Variants in PRKG1 observed in about 807,000 individuals in gnomAD.
The protein encoded by PRKG1 is protein kinase cGMP-dependent 1, also known as cGMP-dependent protein kinase 1.
A neutral mutation model predicts 88.1 loss-of-function variants in PRKG1; 35 were observed. The observed-to-expected ratio is 0.40, with a 90% CI of 0.30 to 0.53. PRKG1 has a LOEUF of 0.53. PRKG1 is among the 20% of genes least tolerant of loss of function. The probability of loss-of-function intolerance (pLI) is 0.59; values close to 1 mark genes in which losing one functional copy is unlikely to be tolerated. For missense variants in PRKG1, 540 were observed against 839.8 expected (o/e 0.64, Z 4.41); for synonymous variants, 303 against 292.5 (o/e 1.04, Z -0.37).
rs187097689 is a variant in PRKG1, at chr10:52,000,160, G to A, written c.763-54324G>A. Among the ~76,000 whole-genome samples the A allele has an allele frequency of 2.7e-3, 410 of 151,978 alleles. 1 individual carries two copies. Among genetic ancestry groups the A allele is most frequent in the African/African-American group, 9.5e-3 (392 of 41,466 alleles). On this transcript the variant is annotated intron_variant, in intron 5 of 17. Coordinates refer to ENST00000373980, the MANE Select transcript of PRKG1 (RefSeq NM_006258.4). ...CACATTTATGGGAGATAATAAAAAAGCAGAGCTCAGGATGATACATATTTG... is the reference window on the plus strand; with the variant it reads ...CACATTTATGGGAGATAATAAAAAAACAGAGCTCAGGATGATACATATTTG...
At chr10:51,334,092 A>C (rs140217729) in intron 2 of PRKG1, among the ~76,000 whole-genome samples, 1 of 150,396 alleles carries the variant, frequency 6.6e-6, no homozygotes, top group African/African-American at 2.4e-5. Context: ...TCTTCTTCCC[A>C]TGCTGGTTTT....
chr10:51,869,408 G>A (rs1430209325), intron 4 of PRKG1, among the ~76,000 whole-genome samples: 3 of 151,602 alleles, frequency 2.0e-5, no homozygotes, highest in African/African-American at 4.8e-5. Context: ...AATAAAGTAT[G>A]TTTTACTTTG....
chr10:51,385,615 T>C (rs1371173046), intron 2 of PRKG1, among the ~76,000 whole-genome samples: 1 of 151,964 alleles, frequency 6.6e-6, no homozygotes, highest in Non-Finnish European at 1.5e-5. Context: ...TGTGATGGAC[T>C]CCTACATTGG....
chr10:52,165,348 G>T (rs1427470462), intron 9 of PRKG1, among the ~76,000 whole-genome samples: 7 of 152,080 alleles, frequency 4.6e-5, no homozygotes, highest in African/African-American at 1.7e-4. Context: ...AACTCTATTT[G>T]AATTAGCATT....
chr10:52,063,919 G>A (rs894449355), intron 7 of PRKG1, among the ~76,000 whole-genome samples: 4 of 152,192 alleles, frequency 2.6e-5, no homozygotes, highest in Non-Finnish European at 5.9e-5. Flanking sequence ...CTCTGGTTAA[G>A]CCTGGGGCTT....
At chr10:51,656,387 G>A (rs867888829) in intron 3 of PRKG1, among the ~76,000 whole-genome samples, 2 of 152,028 alleles carry the variant, frequency 1.3e-5, no homozygotes, top group African/African-American at 4.8e-5. Context: ...TCCCCAATAT[G>A]TGCACATCAA....
intron 3 of PRKG1, among the ~76,000 whole-genome samples, chr10:51,663,674 G>C (rs1419571313): frequency 6.1e-5 from 8 of 130,992 alleles, no homozygotes; most frequent in Admixed American, 9.0e-5. Context: ...CTATGATCAA[G>C]CCACTGGGAA....
At chr10:51,059,343 C>T (rs1843669010) in intron 1 of PRKG1, among the ~76,000 whole-genome samples, 1 of 152,028 alleles carries the variant, frequency 6.6e-6, no homozygotes, top group Admixed American at 6.6e-5. Context: ...TGTGTGTGTA[C>T]ATTTTAACAG....
chr10:51,719,156 A>AAAAAGAGAGAGAG (rs57226820), intron 3 of PRKG1, among the ~76,000 whole-genome samples: 3 of 150,312 alleles, frequency 2.0e-5, no homozygotes, highest in Admixed American at 6.6e-5. Context: ...TCTCAAAAAA[A>AAAAAGAGAGAGAG]AGAGAGAGAG....
Position 51,064,533 on chromosome 10 carries a change from G to T in PRKG1, c.266+72889G>T, listed in dbSNP as rs1843727186. On this transcript the variant is annotated intron_variant, in intron 1 of 17. Coordinates refer to the PRKG1 transcript ENST00000401604. ...TATCTTCAAATTTGACTCTTTAATA[G>T]ATAAGGATTTGTTTTATTTTCTCAT... 2.0e-5 allele frequency among the ~76,000 whole-genome samples: 3 copies of T among 151,972 alleles called. No individual in the cohort carries two copies. The South Asian group carries it at 6.2e-4, about 32-fold the overall frequency.
chr10:51,449,392 C>CT (rs1468757357), intron 2 of PRKG1, among the ~76,000 whole-genome samples: 1 of 151,110 alleles, frequency 6.6e-6, no homozygotes, highest in African/African-American at 2.4e-5. Context: ...GCCCTTTTGT[C>CT]TTGGTCTCAC....
chr10:51,086,856 T>C (rs1454636152), intron 1 of PRKG1, among the ~76,000 whole-genome samples: 1 of 152,216 alleles, frequency 6.6e-6, no homozygotes, highest in Non-Finnish European at 1.5e-5. Context: ...AAGTCATCTA[T>C]CGTAATAGAG....
chr10:52,228,120 G>A (rs1840434640), intron 9 of PRKG1, among the ~76,000 whole-genome samples: 1 of 152,116 alleles, frequency 6.6e-6, no homozygotes, highest in Non-Finnish European at 1.5e-5. Flanking sequence ...GGTAGGTTAA[G>A]GGGAAGTCAG....
chr10:52,171,835 G>A (rs1363005406), intron 9 of PRKG1, among the ~76,000 whole-genome samples: 3 of 113,484 alleles, frequency 2.6e-5, no homozygotes, highest in African/African-American at 3.7e-5. Flanking sequence ...TCGCTCTGTC[G>A]CCCAGGTCGG....
At chr10:51,161,036 T>C (rs1846347286) in intron 2 of PRKG1, among the ~76,000 whole-genome samples, 1 of 152,154 alleles carries the variant, frequency 6.6e-6, no homozygotes, top group African/African-American at 2.4e-5. Context: ...AAGCCATACA[T>C]TTTTGCTTTT....
At chr10:51,644,389 A>G (rs1839869448) in intron 3 of PRKG1, among the ~76,000 whole-genome samples, 1 of 152,128 alleles carries the variant, frequency 6.6e-6, no homozygotes, top group Non-Finnish European at 1.5e-5. Context: ...GTCTAGATCC[A>G]TTTGCTCATT....
chr10:52,206,847 A>G (rs917675887), intron 9 of PRKG1, among the ~76,000 whole-genome samples: 3 of 152,192 alleles, frequency 2.0e-5, no homozygotes, highest in Non-Finnish European at 4.4e-5. Flanking sequence ...GTTGCCAACC[A>G]AAGTGCTTCA....
intron 2 of PRKG1, among the ~76,000 whole-genome samples, chr10:51,221,600 A>G (rs924413142): frequency 6.6e-5 from 10 of 151,198 alleles, no homozygotes; most frequent in African/African-American, 2.4e-4. Flanking sequence ...CAGCAAGTCA[A>G]TACAATGTGT....
intron 1 of PRKG1, among the ~76,000 whole-genome samples, chr10:51,088,806 T>C (rs1320216813): frequency 7.7e-6 from 1 of 129,162 alleles, no homozygotes; most frequent in Non-Finnish European, 1.6e-5. Context: ...ATATTTAATA[T>C]GATTTTTTTT....
Sources: allele counts gnomAD v4.1 joint callset (sites outside exome capture counted in the v4.1 genomes callset), GRCh38; gene constraint gnomAD v4.1.1; transcripts MANE v1.5; gene names NCBI Gene and HGNC (gene_info 2026-07-23, HGNC 2026-07-21).